CNTN5: variants seen among roughly 807,000 people sequenced by gnomAD.
CNTN5 encodes contactin-5.
CNTN5 carries 77 observed loss-of-function variants against 129.1 expected under a neutral mutation model. The observed-to-expected ratio is 0.60, with a 90% CI of 0.50 to 0.72. The LOEUF (loss-of-function observed/expected upper bound fraction) is 0.72, where lower values mean the gene tolerates loss of function less well. Among genes scored for constraint, CNTN5 ranks in the 30% least tolerant of loss-of-function variants. CNTN5 has a pLI of 0.00. For missense variants in CNTN5, 1,478 were observed against 1,328.8 expected (o/e 1.11, Z -1.75); for synonymous variants, 509 against 465.6 (o/e 1.09, Z -1.20).
chr11:99,132,457 T>A (rs1858991705), intron 1 of CNTN5, among the ~76,000 whole-genome samples: 1 of 152,100 alleles, frequency 6.6e-6, no homozygotes. Context: ...AGAGAGGAAG[T>A]TAAATTGTCT....
At chr11:99,476,505 A>G (rs913412382) in intron 2 of CNTN5, among the ~76,000 whole-genome samples, 1 of 152,190 alleles carries the variant, frequency 6.6e-6, no homozygotes, top group Non-Finnish European at 1.5e-5. Context: ...TAGATTTGTG[A>G]TAGGAAATTA....
rs1160044101 is a variant in CNTN5, at chr11:99,710,597, GTGTGTA to G, written c.56-108943_56-108938del. On this transcript the variant is annotated intron_variant, in intron 3 of 24. Transcript: ENST00000524871. ...TGTGTGTGTGTGTGTGTGTGTGTGTGTGTGTATGTATGTATGTATGTTTGAGTAATA... is the reference window on the plus strand; with the variant it reads ...TGTGTGTGTGTGTGTGTGTGTGTGTGTGTATGTATGTATGTTTGAGTAATA... Among the ~76,000 whole-genome samples the G allele has an allele frequency of 9.9e-3, 1,345 of 135,934 alleles. 4 individuals are homozygous for G. The highest frequency in any genetic ancestry group is 0.025 in the African/African-American group (920 of 36,938). 89.2% of individuals were successfully genotyped at this position (135,934 alleles called of 152,430 possible).
chr11:100,024,635 C>A (rs1405152306), intron 9 of CNTN5, among the ~76,000 whole-genome samples: 1 of 152,100 alleles, frequency 6.6e-6, no homozygotes, highest in Non-Finnish European at 1.5e-5. Context: ...GAGGTGGTCT[C>A]AGATGGAGAT....
At chr11:99,827,072 T>TTTTGTTTTGTTTTGTTTTTG in intron 4 of CNTN5, among the ~76,000 whole-genome samples, 2 of 152,160 alleles carry the variant, frequency 1.3e-5, no homozygotes, top group Admixed American at 1.3e-4. Flanking sequence ...GTTTTTTGCT[T>TTTTGTTTTGTTTTGTTTTTG]TTTGTTTTGT....
intron 6 of CNTN5, among the ~76,000 whole-genome samples, chr11:99,849,472 A>G (rs955911060): frequency 2.0e-5 from 3 of 151,992 alleles, no homozygotes; most frequent in Non-Finnish European, 2.9e-5. Flanking sequence ...CTTTCCACTA[A>G]TAACAGCTTG....
chr11:100,296,014 A>G (rs193036421), intron 18 of CNTN5, among the ~76,000 whole-genome samples: 1 of 151,564 alleles, frequency 6.6e-6, no homozygotes, highest in East Asian at 1.9e-4. Flanking sequence ...TTTATCCACT[A>G]TTTATTTGAC....
At chr11:99,254,181 C>T (rs773817686) in intron 1 of CNTN5, among the ~76,000 whole-genome samples, 73 of 151,574 alleles carry the variant, frequency 4.8e-4, no homozygotes, top group Non-Finnish European at 5.3e-4. Flanking sequence ...GGTGGTTGAA[C>T]GTTACTTAAT....
At chr11:99,536,605 T>A (rs1947908414) in intron 2 of CNTN5, among the ~76,000 whole-genome samples, 1 of 152,012 alleles carries the variant, frequency 6.6e-6, no homozygotes, top group Admixed American at 6.6e-5. Context: ...TTGCCCTCCC[T>A]CATGCCTGGG....
intron 1 of CNTN5, among the ~76,000 whole-genome samples, chr11:99,072,740 A>T (rs1034772431): frequency 3.3e-5 from 5 of 152,140 alleles, no homozygotes. Flanking sequence ...GAGATATAGC[A>T]TATACTCAGA....
At chr11:99,490,579 G>T (rs7937401) in intron 2 of CNTN5, among the ~76,000 whole-genome samples, 29,869 of 152,028 alleles carry the variant, frequency 0.2, 3,113 homozygotes, top group Admixed American at 0.24. Flanking sequence ...ACTTATTAGG[G>T]AGTGTGATCC....
intron 4 of CNTN5, among the ~76,000 whole-genome samples, chr11:99,824,103 T>C (rs1230781108): frequency 2.6e-5 from 4 of 152,060 alleles, no homozygotes; most frequent in South Asian, 2.1e-4. Flanking sequence ...TTTTACATTG[T>C]TACATGTCAA....
At chr11:99,674,492 T>C (rs1343671225) in intron 3 of CNTN5, among the ~76,000 whole-genome samples, 3 of 152,156 alleles carry the variant, frequency 2.0e-5, no homozygotes, top group Non-Finnish European at 4.4e-5. Context: ...GTTTGTTTTT[T>C]ATTTTGTTGG....
At chr11:100,219,048 A>G (rs1949204889) in intron 15 of CNTN5, among the ~76,000 whole-genome samples, 1 of 152,216 alleles carries the variant, frequency 6.6e-6, no homozygotes. Context: ...TGCTAAAACT[A>G]TATAAGGCAC....
At chr11:99,679,397 G>A (rs12793786) in intron 3 of CNTN5, among the ~76,000 whole-genome samples, 7,641 of 151,986 alleles carry the variant, frequency 0.05, 216 homozygotes, top group East Asian at 0.11. Flanking sequence ...CAAACAGCAT[G>A]TGTTCACTCT....
At chr11:99,925,900 A>G (rs1424899631) in intron 7 of CNTN5, among the ~76,000 whole-genome samples, 2 of 152,098 alleles carry the variant, frequency 1.3e-5, no homozygotes, top group African/African-American at 4.8e-5. Context: ...CTCTGCTTCT[A>G]AATAGCTATA....
intron 4 of CNTN5, among the ~76,000 whole-genome samples, chr11:99,836,004 A>G (rs895567739): frequency 6.6e-6 from 1 of 152,194 alleles, no homozygotes; most frequent in Non-Finnish European, 1.5e-5. Context: ...TTATTAAGAA[A>G]GTAAAGAAAT....
intron 2 of CNTN5, among the ~76,000 whole-genome samples, chr11:99,354,113 G>A (rs1364922310): frequency 1.3e-5 from 2 of 152,058 alleles, no homozygotes; most frequent in Non-Finnish European, 2.9e-5. Flanking sequence ...CTTAACTACA[G>A]GTTTCTTAAG....
chr11:99,089,827 G>T (rs996655476), intron 1 of CNTN5, among the ~76,000 whole-genome samples: 1 of 152,066 alleles, frequency 6.6e-6, no homozygotes, highest in Non-Finnish European at 1.5e-5. Context: ...TTTAAAAATT[G>T]TCATCTGGGC....
intron 13 of CNTN5, among the ~76,000 whole-genome samples, chr11:100,176,151 C>T (rs933847388): frequency 6.6e-6 from 1 of 151,950 alleles, no homozygotes; most frequent in African/African-American, 2.4e-5. Context: ...TCCCGAGTTG[C>T]TGGGATTACA....
Sources: gnomAD v4.1 joint callset for allele counts (sites outside exome capture counted in the v4.1 genomes callset) on GRCh38, gnomAD v4.1.1 for gene constraint, MANE v1.5 for transcripts, NCBI Gene and HGNC (gene_info 2026-07-23, HGNC 2026-07-21) for gene names.